The following EPHB1 variants were observed in gnomAD, a reference collection of about 807,000 sequenced individuals.
EPHB1 encodes EPH receptor B1.
In EPHB1, 30 loss-of-function variants were observed where a neutral mutation model predicts 94.4. The observed-to-expected ratio is 0.32, with a 90% CI of 0.24 to 0.43. The LOEUF (loss-of-function observed/expected upper bound fraction) is 0.43. Ranked by LOEUF, EPHB1 falls within the 20% of genes least tolerant of loss-of-function variation. The probability of loss-of-function intolerance (pLI) is 1.00; values close to 1 mark genes in which losing one functional copy is unlikely to be tolerated. For missense variants in EPHB1, 1,055 were observed against 1,308.3 expected, an observed-to-expected ratio of 0.81 and a Z score of 2.99; for synonymous variants, 522 against 489.1, an observed-to-expected ratio of 1.07 and a Z score of -0.89.
At chr3:135,002,163 G>A (rs1935208000) in intron 3 of EPHB1, among the ~76,000 whole-genome samples, 1 of 152,204 alleles carries the variant, frequency 6.6e-6, no homozygotes, top group Non-Finnish European at 1.5e-5. Flanking sequence ...GTACTGACAT[G>A]TTTTGGGTCT....
chr3:134,890,819 T>C (rs1469575905), intron 1 of EPHB1, among the ~76,000 whole-genome samples: 1 of 152,234 alleles, frequency 6.6e-6, no homozygotes, highest in Non-Finnish European at 1.5e-5. Flanking sequence ...GTATTTTGTC[T>C]CTTTTGTTGC....
intron 3 of EPHB1, among the ~76,000 whole-genome samples, chr3:135,080,805 G>A (rs138827117): frequency 6.6e-6 from 1 of 152,276 alleles, no homozygotes; most frequent in Non-Finnish European, 1.5e-5. Context: ...ATAGTCTAGT[G>A]GGAGAATCCA....
intron 3 of EPHB1, among the ~76,000 whole-genome samples, chr3:135,032,366 T>G (rs934640580): frequency 2.6e-5 from 4 of 152,186 alleles, no homozygotes; most frequent in African/African-American, 9.7e-5. Flanking sequence ...TTATTTTTAT[T>G]TCCTAAGACA....
At position 134,856,790 on chromosome 3, in the gene EPHB1, G is replaced by A. The variant is rs2037130510; in HGVS notation, c.58+61101G>A. ...CATACTGGAATAAGTAAACTAAATC[G>A]TTAAAATTAATTTCACCTGTTTTTA... On this transcript the variant is annotated intron_variant, in intron 1 of 15. Transcript: ENST00000398015. Among the ~76,000 whole-genome samples, 3 of 152,298 alleles carry A rather than the reference G, an allele frequency of 2.0e-5. No homozygotes were observed. In the South Asian group the frequency reaches 6.2e-4, roughly 32 times the overall value.
At chr3:134,819,594 C>A (rs997769136) in intron 1 of EPHB1, among the ~76,000 whole-genome samples, 2 of 152,146 alleles carry the variant, frequency 1.3e-5, no homozygotes, top group African/African-American at 4.8e-5. Flanking sequence ...ATGTTTCCTC[C>A]CTTCTCTGTG....
At chr3:135,088,852 C>T (rs1938455976) in intron 3 of EPHB1, among the ~76,000 whole-genome samples, 1 of 152,192 alleles carries the variant, frequency 6.6e-6, no homozygotes, top group Non-Finnish European at 1.5e-5. Context: ...ATTGTCTATA[C>T]TCAACATATT....
rs1280616607 is a variant in EPHB1, at chr3:135,026,696, G to T, written c.805+74644G>T. Reference sequence around the variant, plus strand: ...GGCGTAGGATTGACTTGGCAATGCGGGCTCTTTTTTGGTTCCATATGAACT... The same window carrying T: ...GGCGTAGGATTGACTTGGCAATGCGTGCTCTTTTTTGGTTCCATATGAACT... On this transcript the variant is annotated intron_variant, in intron 3 of 15. Transcript: ENST00000398015. Among the ~76,000 whole-genome samples the T allele has an allele frequency of 4.7e-5, 6 of 128,826 alleles. No homozygotes were observed. In the South Asian group the frequency reaches 1.4e-3, roughly 29 times the overall value. The allele number at this position is 128,826 out of a possible 152,430, so 84.5% of individuals were successfully genotyped here.
intron 4 of EPHB1, among the ~76,000 whole-genome samples, chr3:135,117,535 A>G (rs1014012722): frequency 6.6e-6 from 1 of 152,146 alleles, no homozygotes; most frequent in Non-Finnish European, 1.5e-5. Flanking sequence ...GCCAGAGACT[A>G]CCTCCACCCC....
At chr3:134,798,404 C>G (rs556094540) in intron 1 of EPHB1, among the ~76,000 whole-genome samples, 42 of 152,270 alleles carry the variant, frequency 2.8e-4, no homozygotes, top group African/African-American at 9.9e-4. Context: ...GGCTCAAATT[C>G]TCATAATCAG....
chr3:134,992,440 G>A (rs1022791520), intron 3 of EPHB1, among the ~76,000 whole-genome samples: 1 of 152,228 alleles, frequency 6.6e-6, no homozygotes, highest in Admixed American at 6.5e-5. Flanking sequence ...GTATGGCAAA[G>A]GCAAGTTTGT....
At chr3:135,077,964 G>A (rs1354508336) in intron 3 of EPHB1, among the ~76,000 whole-genome samples, 1 of 152,250 alleles carries the variant, frequency 6.6e-6, no homozygotes, top group African/African-American at 2.4e-5. Flanking sequence ...TAGAAAGCAT[G>A]TGATAGCATT....
intron 5 of EPHB1, among the ~76,000 whole-genome samples, chr3:135,135,524 A>T (rs1392226189): frequency 6.6e-6 from 1 of 152,156 alleles, no homozygotes; most frequent in East Asian, 1.9e-4. Context: ...AACTCTAATG[A>T]CTCAGATCCA....
intron 2 of EPHB1, among the ~76,000 whole-genome samples, chr3:134,945,504 T>C (rs918547554): frequency 2.6e-4 from 40 of 152,210 alleles, no homozygotes; most frequent in South Asian, 8.3e-4. Flanking sequence ...CTTCTTCATA[T>C]TGATTTCAGT....
At chr3:135,002,785 C>T in intron 3 of EPHB1, among the ~76,000 whole-genome samples, 2 of 152,050 alleles carry the variant, frequency 1.3e-5, no homozygotes, top group African/African-American at 4.8e-5. Flanking sequence ...GTTTGTATTT[C>T]TGTGGGATCA....
intron 3 of EPHB1, among the ~76,000 whole-genome samples, chr3:135,059,055 A>G (rs7643400): frequency 0.1 from 15,605 of 152,286 alleles, 1,620 homozygotes; most frequent in African/African-American, 0.26. Context: ...GACAGATATT[A>G]TCAAATAAAT....
intron 1 of EPHB1, among the ~76,000 whole-genome samples, chr3:134,844,066 T>G (rs2036825679): frequency 6.6e-6 from 1 of 152,264 alleles, no homozygotes; most frequent in Non-Finnish European, 1.5e-5. Context: ...TTTGTTTGTT[T>G]GTTGGTTGAG....
intron 3 of EPHB1, among the ~76,000 whole-genome samples, chr3:134,985,066 T>A (rs1487840195): frequency 6.6e-6 from 1 of 152,190 alleles, no homozygotes; most frequent in Non-Finnish European, 1.5e-5. Context: ...GAACTTGGCT[T>A]ACCAGTTCCT....
rs541266484 is a variant in EPHB1 at position 135,022,665 on chromosome 3, T to C, written c.805+70613T>C. 3.9e-5 allele frequency among the ~76,000 whole-genome samples: 6 copies of C among 152,372 alleles called. No homozygotes were observed. In the East Asian group the frequency reaches 9.6e-4, roughly 24 times the overall value. Reference sequence around the variant, plus strand: ...TTCAATTCATAAGCACAGTACCATATAGAAAGGTTTTAAAACAGAAGACAA... The same window carrying C: ...TTCAATTCATAAGCACAGTACCATACAGAAAGGTTTTAAAACAGAAGACAA... On this transcript the variant is annotated intron_variant, in intron 3 of 15. Transcript: ENST00000398015.
intron 3 of EPHB1, among the ~76,000 whole-genome samples, chr3:135,023,443 C>T (rs1407283069): frequency 2.0e-5 from 3 of 152,158 alleles, no homozygotes; most frequent in Non-Finnish European, 4.4e-5. Flanking sequence ...CACCCCCTCT[C>T]CTCAAGTTGT....
Sources: gnomAD v4.1 joint callset for allele counts (sites outside exome capture counted in the v4.1 genomes callset) on GRCh38, gnomAD v4.1.1 for gene constraint, MANE v1.5 for transcripts, NCBI Gene and HGNC (gene_info 2026-07-23, HGNC 2026-07-21) for gene names.